Variants in CUX2 observed in about 807,000 individuals in gnomAD.
The protein encoded by CUX2 is homeobox protein cut-like 2.
CUX2 carries 40 observed loss-of-function variants against 144.8 expected under a neutral mutation model. The observed-to-expected ratio is 0.28, with a 90% confidence interval of 0.21 to 0.36. CUX2 has a LOEUF of 0.36. Among genes scored for constraint, CUX2 ranks in the 10% least tolerant of loss-of-function variants. CUX2 has a pLI of 1.00. For synonymous variants in CUX2, 827 were observed against 875.6 expected (o/e 0.94, Z 0.98); for missense variants, 1,615 against 1,994.0 (o/e 0.81, Z 3.62).
chr12:111,296,733 CCTCCTCCCTCTG>C, intron 8 of CUX2, among the ~76,000 whole-genome samples, 194 bp downstream of exon 8: 1 of 128,310 alleles, frequency 7.8e-6, no homozygotes, highest in Admixed American at 7.5e-5. Context: ...CCCAGAGAGG[CCTCCTCCCTCTG>C]ACCCTCCAGT....
chr12:111,214,399 G>A, intron 2 of CUX2, 89 bp downstream of exon 2: 2 of 730,220 alleles, frequency 2.7e-6, no homozygotes, highest in South Asian at 4.1e-5. Flanking sequence ...GTAGATGCAA[G>A]TGACTAACAA....
At chr12:111,258,283 C>T (rs760236835) in intron 3 of CUX2, among the ~76,000 whole-genome samples, 8 of 152,150 alleles carry the variant, frequency 5.3e-5, no homozygotes, top group Non-Finnish European at 1.2e-4. Context: ...GAGGCCAAGG[C>T]GGGCGGATCA....
rs368310821 is a variant in CUX2 at position 111,289,858 on chromosome 12, G to A, written c.302-1560G>A. Among the ~76,000 whole-genome samples the A allele has an allele frequency of 1.3e-4, 20 of 152,154 alleles. No homozygotes were observed. The East Asian group carries it at 3.5e-3, about 27-fold the overall frequency. ...AAATAGGAATGCAGGGAGCAGGAAG[G>A]CTGGGAGAGCTCGCGGAGAGGTGGG... On this transcript the variant is annotated intron_variant, in intron 4 of 21. Transcript: ENST00000261726. The surrounding 1 kb of genome is among the most constrained non-coding windows in gnomAD (Gnocchi z 4.1).
chr12:111,133,849 G>A (rs1875669043), intron 1 of CUX2, among the ~76,000 whole-genome samples: 1 of 152,044 alleles, frequency 6.6e-6, no homozygotes, highest in Non-Finnish European at 1.5e-5. Context: ...CTGGTGGTGG[G>A]GAGACTTCTT....
At chr12:111,154,501 C>T (rs1877253686) in intron 1 of CUX2, among the ~76,000 whole-genome samples, 1 of 152,106 alleles carries the variant, frequency 6.6e-6, no homozygotes, top group Non-Finnish European at 1.5e-5. Flanking sequence ...ATCATCGTAA[C>T]CTTGACGTGG....
intron 19 of CUX2, among the ~76,000 whole-genome samples, chr12:111,335,007 A>G (rs896005090): frequency 6.6e-6 from 1 of 152,216 alleles, no homozygotes. Flanking sequence ...AGGCAGGAGA[A>G]TCGCGTGAGC....
At position 111,319,968 on chromosome 12, in the gene CUX2, G is replaced by A. The variant is rs141705150; in HGVS notation, c.2003-44G>A. The A allele has an allele frequency of 5.6e-6, 8 of 1,433,316 alleles. No homozygotes were observed. In the African/African-American group the frequency reaches 9.0e-5, roughly 16 times the overall value. The allele number at this position is 1,433,316 out of a possible 1,614,324, so 88.8% of individuals were successfully genotyped here. ...GTGAACATCGTCCCCTGCATGCCGA[G>A]CCCTGACCCTGGGCCTCGGGCCGTC... On this transcript the variant is annotated intron_variant, in intron 16 of 21. Coordinates refer to ENST00000261726, the MANE Select transcript of CUX2 (RefSeq NM_015267.4).
intron 4 of CUX2, among the ~76,000 whole-genome samples, chr12:111,264,518 T>G (rs1228367243): frequency 6.6e-6 from 1 of 152,154 alleles, no homozygotes; most frequent in Non-Finnish European, 1.5e-5. Flanking sequence ...GCCGATCACC[T>G]GAGGTCAGGA....
At chr12:111,294,629 G>T (rs191894891) in intron 6 of CUX2, among the ~76,000 whole-genome samples, 2 of 151,576 alleles carry the variant, frequency 1.3e-5, no homozygotes, top group Non-Finnish European at 1.5e-5. Context: ...GGGCGTGGTG[G>T]CTCATGCCTA....
At chr12:111,230,597 C>T (rs1882419621) in intron 3 of CUX2, among the ~76,000 whole-genome samples, 1 of 152,170 alleles carries the variant, frequency 6.6e-6, no homozygotes. Context: ...ATACTAAGAC[C>T]TGGGTCCCAG....
chr12:111,108,963 G>A (rs1592903365), intron 1 of CUX2, among the ~76,000 whole-genome samples: 1 of 152,148 alleles, frequency 6.6e-6, no homozygotes, highest in African/African-American at 2.4e-5. Flanking sequence ...CACATTGCAG[G>A]TGGCCACATG....
At chr12:111,131,875 A>G (rs369667401) in intron 1 of CUX2, among the ~76,000 whole-genome samples, 2 of 152,166 alleles carry the variant, frequency 1.3e-5, no homozygotes, top group African/African-American at 2.4e-5. Context: ...GGCATCAAGT[A>G]TCTACAGCTC....
At chr12:111,215,069 C>G (rs1346093691) in intron 2 of CUX2, among the ~76,000 whole-genome samples, 1 of 152,182 alleles carries the variant, frequency 6.6e-6, no homozygotes, top group Non-Finnish European at 1.5e-5. Context: ...AGGGCTGTGA[C>G]AGGGAACAGA....
chr12:111,322,721 C>T lies in CUX2; in HGVS notation c.2926+141C>T. 3.6e-6 allele frequency: 4 copies of T among 1,109,752 alleles called. No individual in the cohort carries two copies. Among genetic ancestry groups the T allele is most frequent in the Non-Finnish European group, 5.1e-6 (4 of 781,552 alleles). 68.7% of individuals were successfully genotyped at this position (1,109,752 alleles called of 1,614,324 possible). A position where few individuals can be genotyped will look rare whatever the true frequency, so the allele number is the denominator to read the frequency against. ...GCTTTCATCCCAGTCACTGTCATGG[C>T]TGCACTGGAACATGGCGGGGGGTCC... On this transcript the variant is annotated intron_variant, in intron 18 of 21. Coordinates refer to ENST00000261726, the MANE Select transcript of CUX2 (RefSeq NM_015267.4). The surrounding 1 kb of genome is among the most constrained non-coding windows in gnomAD (Gnocchi z 4.2).
intron 3 of CUX2, among the ~76,000 whole-genome samples, chr12:111,249,877 C>CATT (rs1460608822): frequency 1.3e-5 from 2 of 152,180 alleles, no homozygotes; most frequent in Non-Finnish European, 2.9e-5. Context: ...TAACATCTCA[C>CATT]ATTAGCGTGT....
chr12:111,080,810 G>A (rs772282394), intron 1 of CUX2, among the ~76,000 whole-genome samples: 2 of 152,186 alleles, frequency 1.3e-5, no homozygotes, highest in African/African-American at 4.8e-5. Flanking sequence ...AGTGAAATAA[G>A]TCAATATAAT....
chr12:111,216,136 A>G (rs910129255), intron 2 of CUX2, among the ~76,000 whole-genome samples: 1 of 152,216 alleles, frequency 6.6e-6, no homozygotes, highest in Admixed American at 6.5e-5. Flanking sequence ...AGAAATGGGC[A>G]GCATTAGCAC....
At chr12:111,280,703 T>C (rs1029839476) in intron 4 of CUX2, among the ~76,000 whole-genome samples, 1 of 152,170 alleles carries the variant, frequency 6.6e-6, no homozygotes, top group African/African-American at 2.4e-5. Context: ...CCTCGGCTTC[T>C]AGATGTGTCA....
At chr12:111,213,199 A>G (rs1222714817) in intron 1 of CUX2, among the ~76,000 whole-genome samples, 1 of 152,224 alleles carries the variant, frequency 6.6e-6, no homozygotes, top group African/African-American at 2.4e-5. Context: ...ATGCTCCTCG[A>G]GTTATGGTCC....
Sources: gnomAD v4.1 joint callset for allele counts (sites outside exome capture counted in the v4.1 genomes callset) on GRCh38, gnomAD v4.1.1 for gene constraint, Gnocchi (gnomAD v3.1) non-coding constraint, MANE v1.5 for transcripts, NCBI Gene and HGNC (gene_info 2026-07-23, HGNC 2026-07-21) for gene names.